The following SHROOM4 variants were observed in gnomAD, a reference collection of about 807,000 sequenced individuals.
SHROOM4 encodes protein Shroom4.
A neutral mutation model predicts 80.3 loss-of-function variants in SHROOM4; 17 were observed. The observed-to-expected ratio is 0.21, with a 90% CI of 0.14 to 0.32. The LOEUF is 0.32. Ranked by LOEUF, SHROOM4 falls within the 10% of genes least tolerant of loss-of-function variation. SHROOM4 has a pLI of 1.00. For missense variants in SHROOM4, 993 were observed against 1,140.3 expected, an observed-to-expected ratio of 0.87 and a Z score of 1.86; for synonymous variants, 400 against 437.5, an observed-to-expected ratio of 0.91 and a Z score of 1.07.
intron 1 of SHROOM4, among the ~76,000 whole-genome samples, chrX:50,766,574 G>T (rs1935281804): frequency 1.8e-5 from 2 of 110,195 alleles, no homozygotes; most frequent in African/African-American, 6.6e-5. Flanking sequence ...ATTCCAGATG[G>T]GCCCAAAAAT....
Position 50,653,228 on chromosome X carries a change from T to A in SHROOM4, c.270-14920A>T, listed in dbSNP as rs1027482686. Among the ~76,000 whole-genome samples, 3 of 111,830 alleles carry A rather than the reference T, an allele frequency of 2.7e-5. No homozygotes were observed. In the East Asian group the frequency reaches 8.4e-4, roughly 31 times the overall value. Reference sequence around the variant, plus strand: ...TGGAATGTTTTTCCATTTGTTTGTGTCCTCTCTTATTTCCTTGAGCAGTGG... The same window carrying A: ...TGGAATGTTTTTCCATTTGTTTGTGACCTCTCTTATTTCCTTGAGCAGTGG... On this transcript the variant is annotated intron_variant, in intron 2 of 8. Coordinates refer to ENST00000376020, the MANE Select transcript of SHROOM4 (RefSeq NM_020717.5).
rs1254347056 is a variant in SHROOM4 at position 50,590,830 on chromosome X, G to T, written c.*5865C>A. Among the ~76,000 whole-genome samples, 1 of 110,542 alleles carries T rather than the reference G, an allele frequency of 9.0e-6. No homozygotes were observed. On this transcript the variant is annotated 3_prime_UTR_variant, in exon 9 of 9. Transcript: ENST00000376020. ...GGTTATTTTTATCATTGAGTTGTAAGAGTCCTTTTCATATTTTGAAGTATC... is the reference window on the plus strand; with the variant it reads ...GGTTATTTTTATCATTGAGTTGTAATAGTCCTTTTCATATTTTGAAGTATC...
Position 50,606,632 on chromosome X carries a change from A to G in SHROOM4, c.3761+749T>C, listed in dbSNP as rs782548875. On this transcript the variant is annotated intron_variant, in intron 6 of 8. Transcript: ENST00000376020. ...CCATGCACTATAGGGCATGCAGATG[A>G]CAACTGGCTCAGTGGAGTGAACAAA... Among the ~76,000 whole-genome samples the G allele has an allele frequency of 8.3e-5, 9 of 109,074 alleles. No homozygotes were observed. The South Asian group carries it at 2.1e-3, about 25-fold the overall frequency. 94.7% of individuals were successfully genotyped at this position (109,074 alleles called of 115,157 possible).
intron 1 of SHROOM4, among the ~76,000 whole-genome samples, chrX:50,705,253 T>G (rs1364801369): frequency 9.2e-6 from 1 of 108,912 alleles, no homozygotes; most frequent in Non-Finnish European, 1.9e-5. Context: ...AAAACTGAGT[T>G]TCCACAACTG....
chrX:50,621,335 T>C (rs1557251970), intron 5 of SHROOM4, among the ~76,000 whole-genome samples: 1 of 111,816 alleles, frequency 8.9e-6, no homozygotes, highest in African/African-American at 3.3e-5. Flanking sequence ...TTGATAATTG[T>C]TGTTTTATGA....
In SHROOM4 at chrX:50,630,074, T is replaced by C. The variant is rs191180158; in HGVS notation, c.2896-2399A>G. ...AAGCATTAGGAACCCAAGGTATCCC[T>C]CCCTCAGAGTACAAAAAATAGAGGC... On this transcript the variant is annotated intron_variant, in intron 4 of 8. Transcript: ENST00000376020. 7.2e-5 allele frequency among the ~76,000 whole-genome samples: 8 copies of C among 110,933 alleles called. No individual in the cohort carries two copies. The East Asian group carries it at 1.7e-3, about 24-fold the overall frequency.
At chrX:50,617,440 C>T (rs1364022092) in intron 5 of SHROOM4, among the ~76,000 whole-genome samples, 1 of 111,433 alleles carries the variant, frequency 9.0e-6, no homozygotes, top group Non-Finnish European at 1.9e-5. Context: ...AGCTGACTAG[C>T]CAGGAGGCCC....
intron 2 of SHROOM4, among the ~76,000 whole-genome samples, chrX:50,673,391 T>G (rs1932818956): frequency 2.7e-5 from 3 of 110,825 alleles, no homozygotes; most frequent in Admixed American, 1.9e-4. Flanking sequence ...CACTAAAAAA[T>G]CAATATGAAG....
intron 1 of SHROOM4, among the ~76,000 whole-genome samples, chrX:50,809,799 G>A (rs1557273277): frequency 8.9e-6 from 1 of 111,781 alleles, no homozygotes; most frequent in Non-Finnish European, 1.9e-5. Context: ...GATTAGAAGA[G>A]AATCCCCATT....
At chrX:50,750,228 G>A (rs1415742877) in intron 1 of SHROOM4, among the ~76,000 whole-genome samples, 1 of 112,051 alleles carries the variant, frequency 8.9e-6, no homozygotes, top group Non-Finnish European at 1.9e-5. Flanking sequence ...TTTCCAGCAG[G>A]AAGTGTCCAA....
At chrX:50,745,482 G>A (rs1240522631) in intron 1 of SHROOM4, among the ~76,000 whole-genome samples, 7 of 110,935 alleles carry the variant, frequency 6.3e-5, no homozygotes, top group Non-Finnish European at 1.1e-4. Context: ...ACTTGGGAGT[G>A]GGGAAATAGG....
rs148479041 is a variant in SHROOM4 at position 50,762,800 on chromosome X, T to C, written c.117+51102A>G. On this transcript the variant is annotated intron_variant, in intron 1 of 8. Coordinates refer to ENST00000376020, the MANE Select transcript of SHROOM4 (RefSeq NM_020717.5). ...GTTCACTTGTACATTATGAGTCATT[T>C]ATTTTCTTGCTGCTCTTATGACTTT... 2.4e-3 allele frequency among the ~76,000 whole-genome samples: 270 copies of C among 111,995 alleles called. 2 individuals carry two copies. The highest frequency in any genetic ancestry group is 8.3e-3 in the African/African-American group (257 of 30,865).
intron 2 of SHROOM4, among the ~76,000 whole-genome samples, chrX:50,654,744 A>G (rs995901046): frequency 4.6e-5 from 5 of 109,749 alleles, no homozygotes; most frequent in African/African-American, 1.7e-4. Context: ...CTCTGCTTCT[A>G]TGAGTTTGAT....
chrX:50,810,783 A>G (rs1936312598), intron 1 of SHROOM4, among the ~76,000 whole-genome samples: 2 of 112,225 alleles, frequency 1.8e-5, no homozygotes, highest in Admixed American at 9.4e-5. Context: ...TAGGACTGCC[A>G]TTGACTCTCA....
At chrX:50,652,565 CTTTAG>C (rs1396448722) in intron 2 of SHROOM4, among the ~76,000 whole-genome samples, 1 of 111,864 alleles carries the variant, frequency 8.9e-6, no homozygotes, top group Non-Finnish European at 1.9e-5. Flanking sequence ...TGCAGAAGCT[CTTTAG>C]TTTAATTAGA....
intron 1 of SHROOM4, among the ~76,000 whole-genome samples, chrX:50,783,730 CA>C (rs1303458063): frequency 9.0e-6 from 1 of 111,248 alleles, no homozygotes; most frequent in East Asian, 2.8e-4. Flanking sequence ...CATGTACCAC[CA>C]TGCACAGCCA....
intron 5 of SHROOM4, among the ~76,000 whole-genome samples, chrX:50,626,257 C>T (rs990763219): frequency 5.4e-5 from 6 of 111,713 alleles, no homozygotes; most frequent in Admixed American, 3.8e-4. Context: ...CTTACAGCTA[C>T]CAACCCTCAG....
chrX:50,602,792 C>T lies in SHROOM4; in HGVS notation c.3783G>A (p.Ser1261=), dbSNP rs782179691. The T allele has an allele frequency of 7.4e-6, 9 of 1,208,457 alleles. No homozygotes were observed. Among genetic ancestry groups the T allele is most frequent in the East Asian group, 3.0e-5 (1 of 33,715 alleles). Residue 1261 remains serine, a synonymous_variant, in exon 7 of 9, where the codon TCG becomes TCA. Coordinates refer to ENST00000376020, the MANE Select transcript of SHROOM4 (RefSeq NM_020717.5). The part of the protein sequence containing the change: ...ESAKQEFQHF[S]PPSGAPGIPT... ...GGATTCCTGGGGCCCCTGAAGGAGG[C>T]GAAAAGTGCTGAAACTCTTGTCTGT...
intron 2 of SHROOM4, among the ~76,000 whole-genome samples, chrX:50,656,418 A>G (rs953662713): frequency 5.4e-5 from 6 of 111,896 alleles, no homozygotes. Context: ...TCAATTTTGA[A>G]TTGGTTTTTA....
Sources: allele counts gnomAD v4.1 joint callset (sites outside exome capture counted in the v4.1 genomes callset), GRCh38; gene constraint gnomAD v4.1.1; transcripts MANE v1.5; gene names NCBI Gene and HGNC (gene_info 2026-07-23, HGNC 2026-07-21).